Variants in IGSF23 observed in about 807,000 individuals in gnomAD.
IGSF23 encodes immunoglobulin superfamily member 23, also known as immunoglobulin superfamily, member 23.
IGSF23 carries 14 observed loss-of-function variants against 17.8 expected under a neutral mutation model. The observed-to-expected ratio is 0.79, with a 90% CI of 0.52 to 1.23. The LOEUF (loss-of-function observed/expected upper bound fraction) is 1.23, where lower values mean the gene tolerates loss of function less well. Ranked by LOEUF, IGSF23 falls within the 50% of genes most tolerant of loss-of-function variation. The pLI is 0.00. For missense variants in IGSF23, 214 were observed against 241.7 expected, an observed-to-expected ratio of 0.89 and a Z score of 0.76; for synonymous variants, 85 against 92.5, an observed-to-expected ratio of 0.92 and a Z score of 0.46.
At chr19:44,620,592 C>T (rs1288244927) in intron 1 of IGSF23, among the ~76,000 whole-genome samples, 1 of 152,042 alleles carries the variant, frequency 6.6e-6, no homozygotes. Flanking sequence ...GTCTCAAATT[C>T]CTGACCTCAG....
chr19:44,615,238 A>G (rs1221974243), intron 1 of IGSF23, among the ~76,000 whole-genome samples: 2 of 151,134 alleles, frequency 1.3e-5, no homozygotes, highest in Admixed American at 6.6e-5. Context: ...GCAGTGAGCC[A>G]AGATCGTGCC....
At chr19:44,621,530 C>T (rs1972521959) in intron 1 of IGSF23, among the ~76,000 whole-genome samples, 1 of 148,334 alleles carries the variant, frequency 6.7e-6, no homozygotes, top group African/African-American at 2.5e-5. Flanking sequence ...ATCCCAACTA[C>T]TCTGGAGGAG....
At chr19:44,620,210 AATGAGCCAAGACC>A (rs1284150458) in intron 1 of IGSF23, among the ~76,000 whole-genome samples, 4 of 151,988 alleles carry the variant, frequency 2.6e-5, no homozygotes, top group Non-Finnish European at 5.9e-5. Context: ...CGGAGGTTGC[AATGAGCCAAGACC>A]ATGCCACTGC....
chr19:44,627,295 G>C, intron 2 of IGSF23, 125 bp from the exon 3 acceptor site: 1 of 997,500 alleles, frequency 1.0e-6, no homozygotes, highest in South Asian at 1.8e-5. Context: ...GGGGGCCAGA[G>C]ACCTGGAGGA....
intron 1 of IGSF23, among the ~76,000 whole-genome samples, chr19:44,622,341 G>A (rs933598636): frequency 2.0e-5 from 3 of 152,060 alleles, no homozygotes; most frequent in Admixed American, 1.3e-4. Context: ...TGAGGTCTCT[G>A]GTTGTGCTAA....
chr19:44,616,877 AGAGAGAGAGG>A (rs2123713994), intron 1 of IGSF23, among the ~76,000 whole-genome samples: 1 of 151,240 alleles, frequency 6.6e-6, no homozygotes, highest in African/African-American at 2.4e-5. Context: ...ATATATGTAG[AGAGAGAGAGG>A]GAGAGAGAGA....
At chr19:44,614,802 G>A (rs1972333438) in intron 1 of IGSF23, among the ~76,000 whole-genome samples, 2 of 152,106 alleles carry the variant, frequency 1.3e-5, no homozygotes, top group Admixed American at 1.3e-4. Context: ...GATCAGAGCT[G>A]TACGATCCCT....
At chr19:44,619,444 C>G (rs1972461773) in intron 1 of IGSF23, among the ~76,000 whole-genome samples, 1 of 152,202 alleles carries the variant, frequency 6.6e-6, no homozygotes. Context: ...TTTTTATCAC[C>G]TGGACTCAAA....
At chr19:44,621,513 G>A (rs1016816994) in intron 1 of IGSF23, among the ~76,000 whole-genome samples, 2 of 151,654 alleles carry the variant, frequency 1.3e-5, no homozygotes, top group East Asian at 3.9e-4. Flanking sequence ...AGTGGCGCAC[G>A]CCTGTAATCC....
rs760986805 is a variant in IGSF23 at position 44,613,597 on chromosome 19, C to T, written c.-49C>T. ...CTTTGATGTGAGTGATAGGAGCGGGCGATTCTGCTTCTCCCTCCATCTCCC... is the reference window on the plus strand; with the variant it reads ...CTTTGATGTGAGTGATAGGAGCGGGTGATTCTGCTTCTCCCTCCATCTCCC... On this transcript the variant is annotated 5_prime_UTR_variant, in exon 1 of 5. Coordinates refer to ENST00000402988, the MANE Select transcript of IGSF23 (RefSeq NM_001205280.2). 4.7e-6 allele frequency: 7 copies of T among 1,501,140 alleles called. No homozygotes were observed. Among genetic ancestry groups the T allele is most frequent in the Non-Finnish European group, 4.5e-6 (5 of 1,116,844 alleles). The allele number at this position is 1,501,140 out of a possible 1,614,324, so 93.0% of individuals were successfully genotyped here.
chr19:44,635,638 C>T (rs1007908701), intron 4 of IGSF23, 173 bp downstream of exon 4: 10 of 557,128 alleles, frequency 1.8e-5, no homozygotes, highest in Non-Finnish European at 3.2e-5. Context: ...TTGCCAACTG[C>T]CAGCACCCCA....
chr19:44,623,598 AT>A, intron 1 of IGSF23, 108 bp from the exon 2 acceptor site: 1 of 1,136,564 alleles, frequency 8.8e-7, no homozygotes, highest in South Asian at 1.5e-5. Context: ...GAATTAATGA[AT>A]GAATGAACAC....
At chr19:44,623,082 A>G (rs1568487021) in intron 1 of IGSF23, among the ~76,000 whole-genome samples, 1 of 152,180 alleles carries the variant, frequency 6.6e-6, no homozygotes. Context: ...GGGCAGCAAC[A>G]GCGTCTGTTT....
intron 3 of IGSF23, among the ~76,000 whole-genome samples, chr19:44,630,616 G>A (rs1393351798): frequency 6.6e-6 from 1 of 152,226 alleles, no homozygotes; most frequent in East Asian, 1.9e-4. Flanking sequence ...GACCTATTTA[G>A]TTGTGAGCAA....
At chr19:44,620,938 G>T (rs1218423443) in intron 1 of IGSF23, 1 of 152,158 alleles carries the variant, frequency 6.6e-6, no homozygotes, top group African/African-American at 2.4e-5. Flanking sequence ...AGGAGTAAGT[G>T]AGTTAATCAG....
At chr19:44,620,008 C>T (rs1337864275) in intron 1 of IGSF23, among the ~76,000 whole-genome samples, 5 of 152,272 alleles carry the variant, frequency 3.3e-5, no homozygotes, top group South Asian at 4.1e-4. Flanking sequence ...CAGTGGCTCA[C>T]GCCTGTAATC....
chr19:44,634,640 G>T (rs1161918581), intron 3 of IGSF23, among the ~76,000 whole-genome samples: 1 of 152,044 alleles, frequency 6.6e-6, no homozygotes, highest in Non-Finnish European at 1.5e-5. Flanking sequence ...AGAACTGGAG[G>T]GTCAGGCCAC....
chr19:44,629,443 G>A (rs1170900022), intron 3 of IGSF23, among the ~76,000 whole-genome samples: 1 of 151,538 alleles, frequency 6.6e-6, no homozygotes, highest in Non-Finnish European at 1.5e-5. Flanking sequence ...CGTACCTATA[G>A]TCCCACCACT....
intron 1 of IGSF23, 76 bp from the exon 2 acceptor site, chr19:44,623,631 T>C (rs1372850620): frequency 3.7e-6 from 5 of 1,342,612 alleles, no homozygotes; most frequent in Non-Finnish European, 4.1e-6. Flanking sequence ...GATGTCTCTA[T>C]GGTGGGCAGA....
Sources: gnomAD v4.1 joint callset for allele counts (sites outside exome capture counted in the v4.1 genomes callset) on GRCh38, gnomAD v4.1.1 for gene constraint, MANE v1.5 for transcripts, NCBI Gene and HGNC (gene_info 2026-07-23, HGNC 2026-07-21) for gene names.